Variants in RGS5 observed in about 807,000 individuals in gnomAD.
The protein encoded by RGS5 is regulator of G-protein signalling 5.
In RGS5, 20 loss-of-function variants were observed where a neutral mutation model predicts 18.9. That is an observed-to-expected ratio of 1.06 (90% CI 0.74 to 1.54). The LOEUF (loss-of-function observed/expected upper bound fraction) is 1.54. Ranked by LOEUF, RGS5 falls within the 40% of genes most tolerant of loss-of-function variation. The pLI is 0.00. For synonymous variants in RGS5, 57 were observed against 76.2 expected (o/e 0.75, Z 1.31); for missense variants, 201 against 211.8 (o/e 0.95, Z 0.32).
At chr1:163,239,194 G>T (rs370791219) in intron 2 of RGS5, 2 of 155,142 alleles carry the variant, frequency 1.3e-5, no homozygotes, top group Non-Finnish European at 1.4e-5. Context: ...AGTGGTTTCC[G>T]GCTGGGCACG....
intron 2 of RGS5, among the ~76,000 whole-genome samples, chr1:163,287,450 C>A (rs1203795577): frequency 1.3e-5 from 2 of 152,212 alleles, no homozygotes; most frequent in Non-Finnish European, 2.9e-5. Flanking sequence ...GCTTTTAGGA[C>A]CATGCCATTC....
chr1:163,287,382 T>C (rs1649172253), intron 2 of RGS5, among the ~76,000 whole-genome samples: 2 of 152,208 alleles, frequency 1.3e-5, no homozygotes, highest in African/African-American at 4.8e-5. Context: ...CTACTACTCA[T>C]GCTCCTTCAT....
At chr1:163,233,423 G>T (rs1162880585) in intron 2 of RGS5, among the ~76,000 whole-genome samples, 1 of 152,216 alleles carries the variant, frequency 6.6e-6, no homozygotes, top group Non-Finnish European at 1.5e-5. Context: ...ATTCATTGAG[G>T]AGGCTATTCC....
intron 2 of RGS5, among the ~76,000 whole-genome samples, chr1:163,246,230 A>T (rs1329877741): frequency 6.7e-6 from 1 of 149,910 alleles, no homozygotes; most frequent in East Asian, 2.0e-4. Context: ...TAAAAAAAAA[A>T]AAATTAATTA....
chr1:163,245,520 A>T (rs538944388), intron 2 of RGS5, among the ~76,000 whole-genome samples: 8 of 152,370 alleles, frequency 5.3e-5, no homozygotes, highest in South Asian at 2.1e-4. Flanking sequence ...GCATATCATA[A>T]GATCTTAAAA....
intron 1 of RGS5, chr1:163,211,540 A>C (rs931701129): frequency 2.0e-5 from 3 of 152,300 alleles, no homozygotes; most frequent in Non-Finnish European, 4.4e-5. Context: ...AAGAATCGTG[A>C]CTGGAAAACT....
intron 1 of RGS5, among the ~76,000 whole-genome samples, chr1:163,192,158 G>C (rs990605586): frequency 3.3e-5 from 5 of 152,164 alleles, no homozygotes; most frequent in African/African-American, 1.2e-4. Context: ...CGTGTCTTAT[G>C]AGACATTATA....
At chr1:163,290,824 A>G (rs998285615) in intron 2 of RGS5, among the ~76,000 whole-genome samples, 2 of 152,274 alleles carry the variant, frequency 1.3e-5, no homozygotes, top group Admixed American at 6.5e-5. Context: ...CAACCAGTCT[A>G]AAGTATTTTA....
chr1:163,167,506 AC>A (rs1218519879), intron 2 of RGS5, among the ~76,000 whole-genome samples: 1 of 152,152 alleles, frequency 6.6e-6, no homozygotes, highest in African/African-American at 2.4e-5. Context: ...ACACTGTGAG[AC>A]CTGGATTCAC....
At chr1:163,258,869 G>T (rs893399589) in intron 2 of RGS5, among the ~76,000 whole-genome samples, 1 of 151,908 alleles carries the variant, frequency 6.6e-6, no homozygotes, top group African/African-American at 2.4e-5. Flanking sequence ...TAAAGACAAG[G>T]TCTCATTATG....
At chr1:163,189,727 G>C (rs1009934433) in intron 1 of RGS5, among the ~76,000 whole-genome samples, 12 of 152,174 alleles carry the variant, frequency 7.9e-5, no homozygotes, top group Admixed American at 3.3e-4. Flanking sequence ...GATTAATAAA[G>C]GGGTCAGGGT....
chr1:163,249,902 A>C (rs1264514777), intron 2 of RGS5, among the ~76,000 whole-genome samples: 1 of 152,230 alleles, frequency 6.6e-6, no homozygotes, highest in Non-Finnish European at 1.5e-5. Context: ...TAAAGCACTA[A>C]AATTATTGCT....
At chr1:163,255,046 T>C (rs1648233053) in intron 2 of RGS5, among the ~76,000 whole-genome samples, 1 of 152,236 alleles carries the variant, frequency 6.6e-6, no homozygotes, top group Admixed American at 6.5e-5. Flanking sequence ...TTTTGGTTAC[T>C]GTAGCCTTGT....
chr1:163,288,805 C>T (rs1388107268), intron 2 of RGS5, among the ~76,000 whole-genome samples: 1 of 152,196 alleles, frequency 6.6e-6, no homozygotes, highest in Non-Finnish European at 1.5e-5. Flanking sequence ...CTCAAACTCA[C>T]TGTGTTCAAA....
At chr1:163,159,262 G>T (rs549030106) in intron 3 of RGS5, among the ~76,000 whole-genome samples, 3 of 152,102 alleles carry the variant, frequency 2.0e-5, no homozygotes, top group Admixed American at 2.0e-4. Flanking sequence ...TGAAGATTAC[G>T]GGATTAAGAG....
At chr1:163,262,137 ACT>A (rs1185881890) in intron 2 of RGS5, among the ~76,000 whole-genome samples, 4 of 145,200 alleles carry the variant, frequency 2.8e-5, no homozygotes, top group Non-Finnish European at 6.0e-5. Flanking sequence ...AGCTGATCAC[ACT>A]GAGTTTTGAA....
intron 2 of RGS5, among the ~76,000 whole-genome samples, chr1:163,289,380 T>A (rs549993241): frequency 6.6e-6 from 1 of 152,106 alleles, no homozygotes; most frequent in Admixed American, 6.6e-5. Flanking sequence ...AATCAGATAC[T>A]TTGTATACTC....
chr1:163,208,504 G>T, intron 1 of RGS5, among the ~76,000 whole-genome samples: 1 of 84,574 alleles, frequency 1.2e-5, no homozygotes, highest in Admixed American at 2.0e-4. Flanking sequence ...AACAGAACAA[G>T]ACTCCACCTC....
At position 163,298,259 on chromosome 1, in the gene RGS5, AAAC is replaced by A. The variant is rs149895948; in HGVS notation, c.-281+7971_-281+7973del. 9.2e-3 allele frequency among the ~76,000 whole-genome samples: 1,405 copies of A among 152,300 alleles called. 12 individuals carry two copies. Among genetic ancestry groups the A allele is most frequent in the Non-Finnish European group, 0.016 (1,083 of 67,998 alleles). The stretch of plus-strand genomic sequence containing the variant: ...ACAAATAAAGATAACTAATCATATA[AAAC>A]AACAAGTAAAATTCCAAATTACTCT... On this transcript the variant is annotated intron_variant, in intron 2 of 5. Coordinates refer to the RGS5 transcript ENST00000618415.
Sources: allele counts gnomAD v4.1 joint callset (sites outside exome capture counted in the v4.1 genomes callset), GRCh38; gene constraint gnomAD v4.1.1; transcripts MANE v1.5; gene names NCBI Gene and HGNC (gene_info 2026-07-23, HGNC 2026-07-21).